Variants in COPS8 observed in about 807,000 individuals in gnomAD.
COPS8 encodes the protein COP9 signalosome subunit 8.
COPS8 carries 11 observed loss-of-function variants against 31.5 expected under a neutral mutation model. The ratio of observed to expected loss-of-function variants is 0.35; its 90% CI spans 0.22 to 0.58. COPS8 has a LOEUF of 0.58. Among genes scored for constraint, COPS8 ranks in the 20% least tolerant of loss-of-function variants. The probability of loss-of-function intolerance (pLI) is 0.83; values close to 1 mark genes in which losing one functional copy is unlikely to be tolerated. For synonymous variants in COPS8, 81 were observed against 89.3 expected, an observed-to-expected ratio of 0.91 and a Z score of 0.52; for missense variants, 215 against 255.1, an observed-to-expected ratio of 0.84 and a Z score of 1.07.
At chr2:237,095,600 A>G (rs534916127) in intron 5 of COPS8, among the ~76,000 whole-genome samples, 13 of 152,204 alleles carry the variant, frequency 8.5e-5, no homozygotes, top group Non-Finnish European at 1.9e-4. Context: ...TTTAATGATT[A>G]TAGCAACCTA....
chr2:237,087,877 G>C (rs1696647496), intron 2 of COPS8, among the ~76,000 whole-genome samples: 1 of 151,142 alleles, frequency 6.6e-6, no homozygotes, highest in South Asian at 2.1e-4. Context: ...AGGCTGCAGT[G>C]AGCTAAGATT....
intron 6 of COPS8, 109 bp from the exon 7 acceptor site, chr2:237,096,713 A>G: frequency 1.3e-6 from 1 of 793,872 alleles, no homozygotes; most frequent in South Asian, 1.4e-5. Flanking sequence ...TCCCTGTTTG[A>G]GAAATAAATG....
intron 4 of COPS8, among the ~76,000 whole-genome samples, chr2:237,093,259 G>A (rs928975836): frequency 6.6e-6 from 1 of 152,194 alleles, no homozygotes; most frequent in Admixed American, 6.5e-5. Context: ...AATGTCCCAG[G>A]AATGGAGAGA....
At position 237,099,772 on chromosome 2, in the gene COPS8, T is replaced by C. The variant is rs1696864957; in HGVS notation, c.*2030T>C. 1 of 152,158 alleles carries C rather than the reference T, an allele frequency of 6.6e-6. No individual in the cohort carries two copies. Among genetic ancestry groups the C allele is most frequent in the South Asian group, 2.1e-4 (1 of 4,830 alleles). 9.4% of individuals were successfully genotyped at this position (152,158 alleles called of 1,614,324 possible). A position where few individuals can be genotyped will look rare whatever the true frequency, so the allele number is the denominator to read the frequency against. On this transcript the variant is annotated 3_prime_UTR_variant, in exon 8 of 8. Coordinates refer to ENST00000354371, the MANE Select transcript of COPS8 (RefSeq NM_006710.5). The stretch of plus-strand genomic sequence containing the variant: ...CAGAACTTATTTGCAAAACAGCTAA[T>C]AGTTCCAGGGCAGTAAGTGTACAAG...
chr2:237,088,678 A>G, intron 3 of COPS8, 25 bp downstream of exon 3: 2 of 1,483,246 alleles, frequency 1.3e-6, no homozygotes, highest in Non-Finnish European at 1.9e-6. Flanking sequence ...AACCTATTTT[A>G]CTGCTTTAAT....
intron 1 of COPS8, 33 bp downstream of exon 1, chr2:237,086,075 G>C (rs750035223): frequency 9.4e-6 from 15 of 1,590,626 alleles, no homozygotes; most frequent in Non-Finnish European, 1.1e-5. Context: ...GAGAAACTGC[G>C]GAGTAGTCTT....
At chr2:237,092,185 A>G (rs1696716234) in intron 4 of COPS8, among the ~76,000 whole-genome samples, 1 of 152,154 alleles carries the variant, frequency 6.6e-6, no homozygotes. Flanking sequence ...AATTTATTCC[A>G]CCTTCCAGCG....
In COPS8 at chr2:237,098,435, AGT is replaced by A. The variant is rs1696842145; in HGVS notation, c.*697_*698del. The A allele has an allele frequency of 6.6e-6, 1 of 152,268 alleles. No homozygotes were observed. The highest frequency in any genetic ancestry group is 1.5e-5 in the Non-Finnish European group (1 of 68,062). 9.4% of individuals were successfully genotyped at this position (152,268 alleles called of 1,614,324 possible). A position where few individuals can be genotyped will look rare whatever the true frequency, so the allele number is the denominator to read the frequency against. On this transcript the variant is annotated 3_prime_UTR_variant, in exon 8 of 8. Transcript: ENST00000354371. ...GTCGCCTTTTAGAAGGAGAAACTTAAGTGTGGAATGCATTATATGGGCAAAGA... is the reference window on the plus strand; with the variant it reads ...GTCGCCTTTTAGAAGGAGAAACTTAAGTGGAATGCATTATATGGGCAAAGA...
intron 2 of COPS8, among the ~76,000 whole-genome samples, chr2:237,088,171 C>T (rs965296533): frequency 1.3e-5 from 2 of 152,144 alleles, no homozygotes; most frequent in African/African-American, 2.4e-5. Flanking sequence ...ACTCCTGCCT[C>T]AGAAGCTGTG....
At position 237,100,473 on chromosome 2, in the gene COPS8, C is replaced by A. The variant is rs955703503; in HGVS notation, c.*2731C>A. 1 of 152,186 alleles carries A rather than the reference C, an allele frequency of 6.6e-6. No individual in the cohort carries two copies. The highest frequency in any genetic ancestry group is 2.4e-5 in the African/African-American group (1 of 41,444). 9.4% of individuals were successfully genotyped at this position (152,186 alleles called of 1,614,324 possible). Reference sequence around the variant, plus strand: ...AAACACTCTCTTCCTTGTCTCAGGGCAGACTATTTCCAATGTGTTCTATAC... The same window carrying A: ...AAACACTCTCTTCCTTGTCTCAGGGAAGACTATTTCCAATGTGTTCTATAC... On this transcript the variant is annotated 3_prime_UTR_variant, in exon 8 of 8. Transcript: ENST00000354371.
intron 6 of COPS8, among the ~76,000 whole-genome samples, chr2:237,096,235 T>G (rs2106347281): frequency 6.6e-6 from 1 of 152,332 alleles, no homozygotes; most frequent in South Asian, 2.1e-4. Context: ...AATATTCAAC[T>G]GCCCCCCTTT....
At chr2:237,090,928 G>A (rs1334094033) in intron 4 of COPS8, among the ~76,000 whole-genome samples, 1 of 152,174 alleles carries the variant, frequency 6.6e-6, no homozygotes, top group Non-Finnish European at 1.5e-5. Flanking sequence ...GGTACAGCAG[G>A]GGCAGTTTCA....
At chr2:237,086,540 T>C (rs1164084610) in intron 1 of COPS8, among the ~76,000 whole-genome samples, 1 of 152,228 alleles carries the variant, frequency 6.6e-6, no homozygotes, top group African/African-American at 2.4e-5. Context: ...ATGAAAGTTA[T>C]GCAGCTGTTA....
rs150449815 is a variant in COPS8, at chr2:237,090,557, A to G, written c.331+563A>G. Among the ~76,000 whole-genome samples the G allele has an allele frequency of 3.3e-5, 5 of 152,238 alleles. No individual in the cohort carries two copies. The East Asian group carries it at 9.6e-4, about 29-fold the overall frequency. ...GTCCTCCTGGTTCACTCTTTATAAA[A>G]TTATATAATCTTGTTTTATGTTGTC... is the stretch of plus-strand genomic sequence containing the variant. On this transcript the variant is annotated intron_variant, in intron 4 of 7. Coordinates refer to ENST00000354371, the MANE Select transcript of COPS8 (RefSeq NM_006710.5).
intron 4 of COPS8, chr2:237,093,648 T>G (rs750508750): frequency 1.0e-6 from 1 of 977,946 alleles, no homozygotes; most frequent in Non-Finnish European, 1.2e-6. Flanking sequence ...ACAAGATTTG[T>G]TCTGTAACTC....
Position 237,085,914 on chromosome 2 carries a change from A to C in COPS8, c.-51A>C, listed in dbSNP as rs761957067. ...ATCGCGGGCGCGACGCCTGAGGGACAGTCTGGGGTTTGGCTGTCCGGACGG... is the reference window on the plus strand; with the variant it reads ...ATCGCGGGCGCGACGCCTGAGGGACCGTCTGGGGTTTGGCTGTCCGGACGG... On this transcript the variant is annotated 5_prime_UTR_variant, in exon 1 of 8. Transcript: ENST00000354371. 5 of 1,562,840 alleles carry C rather than the reference A, an allele frequency of 3.2e-6. No individual in the cohort carries two copies. In the African/African-American group the frequency reaches 5.4e-5, roughly 17 times the overall value.
intron 7 of COPS8, among the ~76,000 whole-genome samples, chr2:237,097,354 C>G (rs1428918344): frequency 6.7e-6 from 1 of 149,388 alleles, no homozygotes; most frequent in Non-Finnish European, 1.5e-5. Context: ...GAGCTGTGAT[C>G]TTTTAAAAGA....
chr2:237,091,631 A>G (rs897131477), intron 4 of COPS8, among the ~76,000 whole-genome samples: 1 of 152,228 alleles, frequency 6.6e-6, no homozygotes, highest in Non-Finnish European at 1.5e-5. Context: ...ATCTCTTTCC[A>G]TTCTCTTCTA....
intron 6 of COPS8, chr2:237,096,539 C>T (rs1410000446): frequency 2.3e-6 from 1 of 429,596 alleles, no homozygotes; most frequent in Admixed American, 4.4e-5. Context: ...TTTCCTTCCA[C>T]CTACTCGGAA....
Sources: gnomAD v4.1 joint callset for allele counts (sites outside exome capture counted in the v4.1 genomes callset) on GRCh38, gnomAD v4.1.1 for gene constraint, MANE v1.5 for transcripts, NCBI Gene and HGNC (gene_info 2026-07-23, HGNC 2026-07-21) for gene names.